The following GPATCH2 variants were observed in gnomAD, a reference collection of about 807,000 sequenced individuals.
GPATCH2 encodes G patch domain-containing protein 2.
In GPATCH2, 51 loss-of-function variants were observed where a neutral mutation model predicts 58.0. The ratio of observed to expected loss-of-function variants is 0.88; its 90% CI spans 0.70 to 1.11. GPATCH2 has a LOEUF of 1.11. GPATCH2 is among the 50% of genes most tolerant of loss of function. GPATCH2 has a pLI of 0.00. For synonymous variants in GPATCH2, 222 were observed against 218.5 expected (o/e 1.02, Z -0.14); for missense variants, 625 against 652.2 (o/e 0.96, Z 0.45).
At chr1:217,569,691 G>A (rs913657555) in intron 5 of GPATCH2, among the ~76,000 whole-genome samples, 5 of 151,856 alleles carry the variant, frequency 3.3e-5, no homozygotes, top group African/African-American at 4.8e-5. Context: ...GCAAAACTCC[G>A]CCTCAAAAAT....
chr1:217,576,093 T>C (rs1482856727), intron 5 of GPATCH2, among the ~76,000 whole-genome samples: 1 of 152,146 alleles, frequency 6.6e-6, no homozygotes, highest in African/African-American at 2.4e-5. Context: ...CACACATATG[T>C]ACACAAACAC....
In GPATCH2 at chr1:217,619,984, T is replaced by G. The variant is rs749071788; in HGVS notation, c.572A>C (p.Gln191Pro). The G allele has an allele frequency of 6.2e-6, 10 of 1,613,982 alleles. No homozygotes were observed. In the East Asian group the frequency reaches 2.2e-4, roughly 36 times the overall value. ...GTAGGCTCTATCACTGTCCATGTCC[T>G]GATCTCTACAACCCTCAGGTGGCTG... ...MTQPPEGCRDQDMDSDRAYQY... is the reference protein window; with the variant it reads ...MTQPPEGCRDPDMDSDRAYQY... Residue 191 changes from glutamine (Q) to proline (P), a missense_variant, in exon 2 of 10, where the codon CAG becomes CCG. Transcript: ENST00000366935.
chr1:217,450,039 T>C (rs1404080267), intron 8 of GPATCH2, among the ~76,000 whole-genome samples: 3 of 152,026 alleles, frequency 2.0e-5, no homozygotes, highest in African/African-American at 7.2e-5. Context: ...CTAATTTTGG[T>C]CTCCTAAATT....
chr1:217,568,207 T>G (rs78580107), intron 5 of GPATCH2, among the ~76,000 whole-genome samples: 4,072 of 152,318 alleles, frequency 0.027, 148 homozygotes, highest in East Asian at 0.16. Context: ...TATTTATATC[T>G]ACATGATGAA....
At chr1:217,499,045 G>A (rs148070569) in intron 6 of GPATCH2, among the ~76,000 whole-genome samples, 5,111 of 152,104 alleles carry the variant, frequency 0.034, 128 homozygotes, top group Middle Eastern at 0.075. Flanking sequence ...TCTTAATACC[G>A]ATGTATCTGG....
intron 5 of GPATCH2, among the ~76,000 whole-genome samples, chr1:217,515,500 G>T (rs1054981877): frequency 1.3e-5 from 2 of 152,072 alleles, no homozygotes; most frequent in Non-Finnish European, 2.9e-5. Context: ...CTGAGGTCAG[G>T]AGTTCGAGAC....
intron 5 of GPATCH2, among the ~76,000 whole-genome samples, chr1:217,594,469 A>T (rs1380774354): frequency 6.6e-6 from 1 of 152,172 alleles, no homozygotes; most frequent in Non-Finnish European, 1.5e-5. Context: ...CCAAATTATT[A>T]TAATAATCAC....
Position 217,524,480 on chromosome 1 carries a change from A to C in GPATCH2, c.1099-9591T>G, listed in dbSNP as rs539548672. Among the ~76,000 whole-genome samples, 923 of 151,422 alleles carry C rather than the reference A, an allele frequency of 6.1e-3. 21 individuals carry two copies. The highest frequency in any genetic ancestry group is 0.044 in the Admixed American group (648 of 14,858). Reference sequence around the variant, plus strand: ...GGGTGGCGGCCGGGCAGAGGCTGCAATCTCGGCTCTTTAGGAGGCCAAGGC... The same window carrying C: ...GGGTGGCGGCCGGGCAGAGGCTGCACTCTCGGCTCTTTAGGAGGCCAAGGC... On this transcript the variant is annotated intron_variant, in intron 5 of 9. Coordinates refer to ENST00000366935, the MANE Select transcript of GPATCH2 (RefSeq NM_018040.5).
intron 8 of GPATCH2, among the ~76,000 whole-genome samples, chr1:217,458,864 A>G (rs1035906990): frequency 2.0e-5 from 3 of 152,082 alleles, no homozygotes; most frequent in Non-Finnish European, 2.9e-5. Context: ...CAATCTGTGC[A>G]TGTTGCTGTC....
chr1:217,620,334 C>A lies in GPATCH2; in HGVS notation c.222G>T (p.Arg74Ser). Residue 74 changes from arginine (R) to serine (S), a missense_variant, in exon 2 of 10, where the codon AGG (arginine) becomes AGT (serine). By Grantham distance (110) the Arg-to-Ser change is moderately radical. Transcript: ENST00000366935. Reference sequence around the variant, plus strand: ...CCCACGGGTGATGCACATTATACGACCTCCGTTTTCTCCCTCTCCTTTTCC... The same window carrying A: ...CCCACGGGTGATGCACATTATACGAACTCCGTTTTCTCCCTCTCCTTTTCC... ...QARKRRGRKR[R>S]SYNVHHPWET... is the part of the protein sequence containing the mutation. 1 of 1,614,008 alleles carries A rather than the reference C, an allele frequency of 6.2e-7. No individual in the cohort carries two copies. Among genetic ancestry groups the A allele is most frequent in the Non-Finnish European group, 8.5e-7 (1 of 1,179,996 alleles).
At chr1:217,569,825 A>C (rs763476316) in intron 5 of GPATCH2, among the ~76,000 whole-genome samples, 1 of 152,234 alleles carries the variant, frequency 6.6e-6, no homozygotes, top group Non-Finnish European at 1.5e-5. Context: ...GGAAGACAAG[A>C]GCCCAAGAGC....
chr1:217,535,572 C>T (rs184398873), intron 5 of GPATCH2, among the ~76,000 whole-genome samples: 2 of 152,238 alleles, frequency 1.3e-5, no homozygotes, highest in Admixed American at 1.3e-4. Context: ...AGGATGGTCT[C>T]GATCTCCTGA....
chr1:217,550,484 G>A (rs1012982730), intron 5 of GPATCH2, among the ~76,000 whole-genome samples: 1 of 151,882 alleles, frequency 6.6e-6, no homozygotes, highest in Admixed American at 6.6e-5. Flanking sequence ...TCTAGGAATA[G>A]TGTTAAATAC....
chr1:217,548,778 T>C (rs1665201567), intron 5 of GPATCH2, among the ~76,000 whole-genome samples: 1 of 152,092 alleles, frequency 6.6e-6, no homozygotes, highest in South Asian at 2.1e-4. Context: ...ATCTGGCATT[T>C]CCCCTGCTGG....
chr1:217,594,658 T>C (rs1489974156), intron 5 of GPATCH2, among the ~76,000 whole-genome samples: 2 of 152,216 alleles, frequency 1.3e-5, no homozygotes, highest in Non-Finnish European at 2.9e-5. Context: ...AATTTCTTCA[T>C]ACATATTCAT....
At chr1:217,482,561 A>G (rs1661259762) in intron 8 of GPATCH2, among the ~76,000 whole-genome samples, 1 of 152,134 alleles carries the variant, frequency 6.6e-6, no homozygotes, top group African/African-American at 2.4e-5. Flanking sequence ...CTCACGGTGA[A>G]TAAGAGTTGA....
chr1:217,509,158 G>A (rs562438986), intron 6 of GPATCH2, among the ~76,000 whole-genome samples: 1 of 152,124 alleles, frequency 6.6e-6, no homozygotes, highest in South Asian at 2.1e-4. Flanking sequence ...TAGGTAACAT[G>A]GTGAAACCTC....
chr1:217,587,194 T>C (rs928487863), intron 5 of GPATCH2, among the ~76,000 whole-genome samples: 6 of 152,192 alleles, frequency 3.9e-5, no homozygotes, highest in South Asian at 2.1e-4. Flanking sequence ...TTCCAAATGA[T>C]AGTTCTAAAA....
intron 5 of GPATCH2, among the ~76,000 whole-genome samples, chr1:217,575,851 A>G (rs1164567129): frequency 6.6e-6 from 1 of 152,140 alleles, no homozygotes; most frequent in Non-Finnish European, 1.5e-5. Flanking sequence ...TTCATTTTTT[A>G]GCCCATTGTT....
Sources: gnomAD v4.1 joint callset for allele counts (sites outside exome capture counted in the v4.1 genomes callset) on GRCh38, gnomAD v4.1.1 for gene constraint, MANE v1.5 for transcripts, NCBI Gene and HGNC (gene_info 2026-07-23, HGNC 2026-07-21) for gene names.